Variants in APH1A observed in about 807,000 individuals in gnomAD.
APH1A encodes aph-1A gamma-secretase subunit.
Under a neutral mutation model 30.3 loss-of-function variants are expected in APH1A, and 16 were observed. That is an observed-to-expected ratio of 0.53 (90% CI 0.36 to 0.80). The LOEUF (loss-of-function observed/expected upper bound fraction) is 0.80, where lower values mean the gene tolerates loss of function less well. APH1A is among the 30% of genes least tolerant of loss of function. The pLI is 0.01. For synonymous variants in APH1A, 144 were observed against 140.1 expected, an observed-to-expected ratio of 1.03 and a Z score of -0.20; for missense variants, 245 against 337.8, an observed-to-expected ratio of 0.73 and a Z score of 2.15.
rs1331880997 is a variant in APH1A, at chr1:150,268,187, A to T, written c.114-60T>A. The T allele has an allele frequency of 1.9e-6, 3 of 1,570,698 alleles. No homozygotes were observed. The African/African-American group carries it at 4.1e-5, about 21-fold the overall frequency. On this transcript the variant is annotated intron_variant, in intron 1 of 6. Transcript: ENST00000369109. ...GTAGTGGGAGCCAGAGAAATCAAGG[A>T]GGGAAACCAGCCAAAGCTGCTTGAA... is the stretch of plus-strand genomic sequence containing the variant.
Position 150,265,787 on chromosome 1 carries a change from C to T in APH1A, c.*343G>A. 1 of 230,026 alleles carries T rather than the reference C, an allele frequency of 4.3e-6. No individual in the cohort carries two copies. Among genetic ancestry groups the T allele is most frequent in the Non-Finnish European group, 8.5e-6 (1 of 117,924 alleles). 14.2% of individuals were successfully genotyped at this position (230,026 alleles called of 1,614,324 possible). A position where few individuals can be genotyped will look rare whatever the true frequency, so the allele number is the denominator to read the frequency against. On this transcript the variant is annotated 3_prime_UTR_variant, in exon 7 of 7. Transcript: ENST00000369109. The stretch of plus-strand genomic sequence containing the variant: ...AAATGAGCCCAGCCATGAGGAGCAA[C>T]TCGAGGAGAGAAAATATAGCCCAAG...
rs781798294 is a variant in APH1A, at chr1:150,267,753, G to A, written c.321C>T (p.Asp107=). ...GGCGGATGGAGATGGGTGATCTTCC[G>A]TCCTCACTCAGCGATGCTAACCCCT... ...ADEGLASLSE[D]GRSPISIRQM... The change falls in exon 3 of 7, where the codon GAC becomes GAT. Residue 107 remains aspartate (D), a synonymous_variant. Coordinates refer to ENST00000369109, the MANE Select transcript of APH1A (RefSeq NM_001077628.3). The A allele has an allele frequency of 3.1e-6, 5 of 1,611,772 alleles. No homozygotes were observed. The highest frequency in any genetic ancestry group is 1.1e-5 in the South Asian group (1 of 90,734).
chr1:150,268,186 G>C, intron 1 of APH1A, 59 bp from the exon 2 acceptor site: 1 of 1,574,282 alleles, frequency 6.4e-7, no homozygotes, highest in Non-Finnish European at 8.6e-7. Flanking sequence ...AGAAATCAAG[G>C]AGGGAAACCA....
At chr1:150,268,197 G>C in intron 1 of APH1A, 70 bp from the exon 2 acceptor site, 1 of 1,535,438 alleles carries the variant, frequency 6.5e-7, no homozygotes, top group South Asian at 1.2e-5. Context: ...AGGGAAACCA[G>C]CCAAAGCTGC....
Position 150,267,731 on chromosome 1 carries a change from G to A in APH1A, c.343C>T (p.Arg115Cys), listed in dbSNP as rs782208863. The change falls in exon 3 of 7, where the codon CGC becomes TGC. Residue 115 changes from arginine (R) to cysteine (C), a missense_variant. Coordinates refer to ENST00000369109, the MANE Select transcript of APH1A (RefSeq NM_001077628.3). ...CTTGGCTCACCATAGGCCATCTGGC[G>A]GATGGAGATGGGTGATCTTCCGTCC... ...SEDGRSPISIRQMAYVSGLSF... is the reference protein window; with the variant it reads ...SEDGRSPISICQMAYVSGLSF... 2.2e-5 allele frequency: 35 copies of A among 1,611,954 alleles called. No homozygotes were observed. Among genetic ancestry groups the A allele is most frequent in the Middle Eastern group, 1.6e-4 (1 of 6,082 alleles).
intron 3 of APH1A, 87 bp downstream of exon 3, chr1:150,267,629 G>T: frequency 6.4e-7 from 1 of 1,567,934 alleles, no homozygotes; most frequent in Non-Finnish European, 8.7e-7. Flanking sequence ...AAAGTAAGAA[G>T]CCACTTAGAA....
At position 150,268,839 on chromosome 1, in the gene APH1A, G is replaced by A. The variant is rs2101856098; in HGVS notation, c.-29C>T. On this transcript the variant is annotated 5_prime_UTR_variant, in exon 1 of 7. Coordinates refer to ENST00000369109, the MANE Select transcript of APH1A (RefSeq NM_001077628.3). ...TGGTCAGGTGGGAAGGGGGGTGGGGGCCTGACCAGGACAGGCAAATGGGAG... is the reference window on the plus strand; with the variant it reads ...TGGTCAGGTGGGAAGGGGGGTGGGGACCTGACCAGGACAGGCAAATGGGAG... The A allele has an allele frequency of 6.3e-7, 1 of 1,589,874 alleles. No homozygotes were observed. Among genetic ancestry groups the A allele is most frequent in the Non-Finnish European group, 8.6e-7 (1 of 1,166,384 alleles).
At chr1:150,268,168 G>A in intron 1 of APH1A, 41 bp from the exon 2 acceptor site, 1 of 1,592,634 alleles carries the variant, frequency 6.3e-7, no homozygotes, top group Non-Finnish European at 8.5e-7. Context: ...AATAGTAGTG[G>A]GAGCCAGAGA....
Position 150,265,820 on chromosome 1 carries a change from G to C in APH1A, c.*310C>G. 3.1e-6 allele frequency: 1 copy of C among 327,688 alleles called. No individual in the cohort carries two copies. The allele number at this position is 327,688 out of a possible 1,614,324, so 20.3% of individuals were successfully genotyped here. ...GAGAAAATATAGCCCAAGGAGGTTA[G>C]AAGAGTTCCAATATACCTCCTCCCT... is the stretch of plus-strand genomic sequence containing the variant. On this transcript the variant is annotated 3_prime_UTR_variant, in exon 7 of 7. Transcript: ENST00000369109.
At position 150,266,562 on chromosome 1, in the gene APH1A, G is replaced by T; in HGVS notation, c.704C>A (p.Ser235Tyr). Residue 235 changes from serine to tyrosine, a missense_variant, in exon 6 of 7, where the codon TCC becomes TAC. Ser to Tyr is a moderately radical substitution (Grantham distance 144). Transcript: ENST00000369109. ...GLWAFITAGG[S>Y]LRSIQRSLLC... is the part of the protein sequence containing the mutation. ...GAGGCTGCGCTGAATACTTCGGAGGGACCCTCCAGCTGTGATGAAGGCCCA... is the reference window on the plus strand; with the variant it reads ...GAGGCTGCGCTGAATACTTCGGAGGTACCCTCCAGCTGTGATGAAGGCCCA... 6.2e-7 allele frequency: 1 copy of T among 1,614,136 alleles called. No homozygotes were observed. The highest frequency in any genetic ancestry group is 8.5e-7 in the Non-Finnish European group (1 of 1,180,030).
intron 4 of APH1A, 39 bp from the exon 5 acceptor site, chr1:150,267,241 C>T (rs1553850108): frequency 6.2e-7 from 1 of 1,613,640 alleles, no homozygotes; most frequent in South Asian, 1.1e-5. Context: ...CATCCCTGAT[C>T]TTCTCCCAGG....
chr1:150,266,007 G>T lies in APH1A; in HGVS notation c.*123C>A. ...TGAGCCTCCATTAATTTCATCTCCA[G>T]GGCAATGGCTAAACTAGGTCCCTTT... On this transcript the variant is annotated 3_prime_UTR_variant, in exon 7 of 7. Coordinates refer to ENST00000369109, the MANE Select transcript of APH1A (RefSeq NM_001077628.3). The T allele has an allele frequency of 8.6e-7, 1 of 1,166,364 alleles. No homozygotes were observed. Among genetic ancestry groups the T allele is most frequent in the Non-Finnish European group, 1.2e-6 (1 of 835,792 alleles). 72.3% of individuals were successfully genotyped at this position (1,166,364 alleles called of 1,614,324 possible).
chr1:150,266,578 T>C lies in APH1A; in HGVS notation c.688A>G (p.Ile230Val), dbSNP rs1553849950. 6.2e-7 allele frequency: 1 copy of C among 1,614,046 alleles called. No individual in the cohort carries two copies. Among genetic ancestry groups the C allele is most frequent in the East Asian group, 2.2e-5 (1 of 44,870 alleles). ...VTVSMGLWAF[I>V]TAGGSLRSIQ... ...CTTCGGAGGGACCCTCCAGCTGTGA[T>C]GAAGGCCCAGAGCCCCATGGAAACA... Residue 230 changes from isoleucine to valine, a missense_variant, in exon 6 of 7, where the codon ATC (isoleucine) becomes GTC (valine). By Grantham distance (29) the Ile-to-Val change is conservative. Transcript: ENST00000369109.
chr1:150,266,311 C>A, intron 6 of APH1A, 117 bp from the exon 7 acceptor site: 1 of 1,497,294 alleles, frequency 6.7e-7, no homozygotes, highest in Non-Finnish European at 8.9e-7. Context: ...CAGATTCAAA[C>A]CCACCAGTCA....
chr1:150,268,867 G>T lies in APH1A; in HGVS notation c.-57C>A. The T allele has an allele frequency of 6.6e-7, 1 of 1,504,332 alleles. No individual in the cohort carries two copies. The highest frequency in any genetic ancestry group is 9.1e-7 in the Non-Finnish European group (1 of 1,100,744). The allele number at this position is 1,504,332 out of a possible 1,614,324, so 93.2% of individuals were successfully genotyped here. A position where few individuals can be genotyped will look rare whatever the true frequency, so the allele number is the denominator to read the frequency against. On this transcript the variant is annotated 5_prime_UTR_variant, in exon 1 of 7. Transcript: ENST00000369109. ...TGACCAGGACAGGCAAATGGGAGGG[G>T]CGCGCCAGCTGGGGAGTCCGCGTGG... is the stretch of plus-strand genomic sequence containing the variant.
At chr1:150,266,418 G>T in intron 6 of APH1A, 115 bp downstream of exon 6, 1 of 1,558,406 alleles carries the variant, frequency 6.4e-7, no homozygotes, top group African/African-American at 1.4e-5. Context: ...GTAGACCGAC[G>T]AGAAGGAGAC....
chr1:150,265,736 G>T lies in APH1A; in HGVS notation c.*394C>A, dbSNP rs1383587771. 5.6e-6 allele frequency: 1 copy of T among 178,984 alleles called. No homozygotes were observed. Among genetic ancestry groups the T allele is most frequent in the African/African-American group, 2.4e-5 (1 of 42,216 alleles). The allele number at this position is 178,984 out of a possible 1,614,324, so 11.1% of individuals were successfully genotyped here. On this transcript the variant is annotated 3_prime_UTR_variant, in exon 7 of 7. Coordinates refer to ENST00000369109, the MANE Select transcript of APH1A (RefSeq NM_001077628.3). ...ATGCACTTCCTTCCTTTCCCCCAAG[G>T]TCTGGGACCAAGGAGAAAGGGACCG...
intron 1 of APH1A, chr1:150,268,347 A>C: frequency 1.6e-6 from 1 of 634,572 alleles, no homozygotes; most frequent in Non-Finnish European, 2.7e-6. Flanking sequence ...CTTCAGAGCG[A>C]TGACAGCCAG....
At position 150,265,877 on chromosome 1, in the gene APH1A, T is replaced by G; in HGVS notation, c.*253A>C. On this transcript the variant is annotated 3_prime_UTR_variant, in exon 7 of 7. Transcript: ENST00000369109. ...ACCTCAAAAAAGAAAAAAAGGCAGT[T>G]TAGGGTATTTATCACACCAAAAATG... 1 of 461,400 alleles carries G rather than the reference T, an allele frequency of 2.2e-6. No homozygotes were observed. 28.6% of individuals were successfully genotyped at this position (461,400 alleles called of 1,614,324 possible).
Sources: gnomAD v4.1 joint callset for allele counts on GRCh38, gnomAD v4.1.1 for gene constraint, MANE v1.5 for transcripts, NCBI Gene and HGNC (gene_info 2026-07-23, HGNC 2026-07-21) for gene names.